The following STUM variants were observed in gnomAD, a reference collection of about 807,000 sequenced individuals.
The protein encoded by STUM is stum, mechanosensory transduction mediator homolog.
Under a neutral mutation model 15.3 loss-of-function variants are expected in STUM, and 8 were observed. The observed-to-expected ratio is 0.52, with a 90% CI of 0.31 to 0.94. The LOEUF (loss-of-function observed/expected upper bound fraction) is 0.94. Among genes scored for constraint, STUM ranks in the 40% least tolerant of loss-of-function variants. STUM has a pLI of 0.05. For synonymous variants in STUM, 78 were observed against 88.7 expected, an observed-to-expected ratio of 0.88 and a Z score of 0.68; for missense variants, 142 against 204.9, an observed-to-expected ratio of 0.69 and a Z score of 1.87.
chr1:226,555,981 C>T (rs1291519247), intron 1 of STUM, among the ~76,000 whole-genome samples: 1 of 152,150 alleles, frequency 6.6e-6, no homozygotes, highest in Non-Finnish European at 1.5e-5. Flanking sequence ...AACATATAAT[C>T]AATATGAACA....
Position 226,565,914 on chromosome 1 carries a change from AGCCC to A in STUM, c.202+16809_202+16812del, listed in dbSNP as rs1667617781. Among the ~76,000 whole-genome samples, 3 of 152,244 alleles carry A rather than the reference AGCCC, an allele frequency of 2.0e-5. No individual in the cohort carries two copies. The highest frequency in any genetic ancestry group is 7.2e-5 in the African/African-American group (3 of 41,464). On this transcript the variant is annotated intron_variant, in intron 1 of 3. Transcript: ENST00000366788. The surrounding 1 kb of genome is among the most constrained non-coding windows in gnomAD (Gnocchi z 4.4). ...ATTTTGGAAGGTGCAACAGCTGCCC[AGCCC>A]ATTGCTTGTGCCTGGGCTTACCAGC... is the stretch of plus-strand genomic sequence containing the variant.
At chr1:226,556,130 T>G (rs1186913739) in intron 1 of STUM, among the ~76,000 whole-genome samples, 1 of 152,214 alleles carries the variant, frequency 6.6e-6, no homozygotes, top group Non-Finnish European at 1.5e-5. Context: ...GCATCCGAAT[T>G]CCTTCTGAGA....
At position 226,548,932 on chromosome 1, in the gene STUM, A is replaced by ACGGCGGCGG. The variant is rs759835997; in HGVS notation, c.41_49dup (p.Ala14_Ala16dup). On this transcript the variant is annotated inframe_insertion, in exon 1 of 4. Coordinates refer to ENST00000366788, the MANE Select transcript of STUM (RefSeq NM_001003665.4). Reference sequence around the variant, plus strand: ...GGAGCCCTCGCACAAAGACGCCGAGACGGCGGCGGCGGCGGCGGCGGTGGC... The same window carrying ACGGCGGCGG: ...GGAGCCCTCGCACAAAGACGCCGAGACGGCGGCGGCGGCGGCGGCGGCGGCGGCGGTGGC... 4 of 1,443,358 alleles carry ACGGCGGCGG rather than the reference A, an allele frequency of 2.8e-6. No individual in the cohort carries two copies. The highest frequency in any genetic ancestry group is 1.5e-5 in the African/African-American group (1 of 66,592). 89.4% of individuals were successfully genotyped at this position (1,443,358 alleles called of 1,614,324 possible).
At chr1:226,580,870 C>A (rs1667907581) in intron 1 of STUM, among the ~76,000 whole-genome samples, 1 of 152,284 alleles carries the variant, frequency 6.6e-6, no homozygotes, top group South Asian at 2.1e-4. Context: ...ACAAAGAGAC[C>A]AGAAACACAG....
rs573131767 is a variant in STUM at position 226,557,512 on chromosome 1, G to A, written c.202+8406G>A. ...GTAAATACCCAGAAGTAGGATTGTG[G>A]GTCATATGGTCATTCTATTTTTAGC... On this transcript the variant is annotated intron_variant, in intron 1 of 3. Coordinates refer to ENST00000366788, the MANE Select transcript of STUM (RefSeq NM_001003665.4). Among the ~76,000 whole-genome samples, 2 of 152,236 alleles carry A rather than the reference G, an allele frequency of 1.3e-5. 1 individual carries two copies. Among genetic ancestry groups the A allele is most frequent in the South Asian group, 4.1e-4 (2 of 4,820 alleles).
chr1:226,605,119 C>G lies in STUM; in HGVS notation c.*3079C>G, dbSNP rs1298544557. 1 of 152,236 alleles carries G rather than the reference C, an allele frequency of 6.6e-6. No homozygotes were observed. Among genetic ancestry groups the G allele is most frequent in the Admixed American group, 6.5e-5 (1 of 15,288 alleles). 9.4% of individuals were successfully genotyped at this position (152,236 alleles called of 1,614,324 possible). A position where few individuals can be genotyped will look rare whatever the true frequency, so the allele number is the denominator to read the frequency against. On this transcript the variant is annotated 3_prime_UTR_variant, in exon 4 of 4. Coordinates refer to ENST00000366788, the MANE Select transcript of STUM (RefSeq NM_001003665.4). The surrounding 1 kb of genome is among the most constrained non-coding windows in gnomAD (Gnocchi z 4.0). ...CGGCAGGAGTCTGATGGCTCTGCTG[C>G]CAGAGCCTACCCCAGCCTGCCACGC...
intron 3 of STUM, among the ~76,000 whole-genome samples, chr1:226,601,247 C>T (rs1394797132): frequency 2.0e-5 from 3 of 152,194 alleles, no homozygotes; most frequent in African/African-American, 7.2e-5. Context: ...CTGCCTCAGC[C>T]TCCCGAGTAG....
chr1:226,597,789 T>C (rs1044745886), intron 2 of STUM, among the ~76,000 whole-genome samples: 2 of 152,316 alleles, frequency 1.3e-5, no homozygotes, highest in African/African-American at 4.8e-5. Flanking sequence ...CGTGGTCAGA[T>C]GGGCTGCCCG....
intron 1 of STUM, among the ~76,000 whole-genome samples, chr1:226,583,126 T>A (rs769159040): frequency 1.2e-4 from 19 of 152,172 alleles, no homozygotes; most frequent in Non-Finnish European, 2.2e-4. Context: ...AGCTCAGGAG[T>A]GGCACAGTGC....
chr1:226,582,734 G>A lies in STUM; in HGVS notation c.203-14068G>A, dbSNP rs1296585415. Among the ~76,000 whole-genome samples, 3 of 152,202 alleles carry A rather than the reference G, an allele frequency of 2.0e-5. No individual in the cohort carries two copies. The East Asian group carries it at 5.8e-4, about 29-fold the overall frequency. ...CCTGAAAAGGTTTTCCACAGTCCCA[G>A]GGTAGGCTGTCTCCTGAAGCCCCAG... On this transcript the variant is annotated intron_variant, in intron 1 of 3. Coordinates refer to ENST00000366788, the MANE Select transcript of STUM (RefSeq NM_001003665.4).
chr1:226,568,077 G>T (rs1189264830), intron 1 of STUM, among the ~76,000 whole-genome samples: 1 of 152,136 alleles, frequency 6.6e-6, no homozygotes, highest in Non-Finnish European at 1.5e-5. Context: ...ACATCCAGAA[G>T]TTTGCACAAA....
At chr1:226,598,876 A>G (rs906035950) in intron 2 of STUM, among the ~76,000 whole-genome samples, 1 of 152,156 alleles carries the variant, frequency 6.6e-6, no homozygotes, top group Non-Finnish European at 1.5e-5. Flanking sequence ...TCATTTTCAC[A>G]CTGCTGATAA....
chr1:226,564,269 A>C (rs1005499841), intron 1 of STUM, among the ~76,000 whole-genome samples: 11 of 152,148 alleles, frequency 7.2e-5, no homozygotes, highest in Non-Finnish European at 1.5e-4. Flanking sequence ...AGGACTTAGG[A>C]GCTAGGTTAC....
Position 226,567,696 on chromosome 1 carries a change from A to C in STUM, c.202+18590A>C, listed in dbSNP as rs77771956. ...CACATTGGAGAAGAAATGACAAATA[A>C]AAGCATTTAAAAGTGGAAGCGTGCC... On this transcript the variant is annotated intron_variant, in intron 1 of 3. Coordinates refer to ENST00000366788, the MANE Select transcript of STUM (RefSeq NM_001003665.4). This position sits in a 1 kb window ranked among gnomAD's most constrained non-coding sequence, Gnocchi z 4.5. Among the ~76,000 whole-genome samples, 8,665 of 152,234 alleles carry C rather than the reference A, an allele frequency of 0.057. 593 individuals are homozygous for C. The highest frequency in any genetic ancestry group is 0.16 in the African/African-American group (6,730 of 41,492).
At chr1:226,591,516 T>C (rs773706412) in intron 1 of STUM, among the ~76,000 whole-genome samples, 7 of 152,138 alleles carry the variant, frequency 4.6e-5, no homozygotes, top group Non-Finnish European at 7.4e-5. Flanking sequence ...CTAAGGATCA[T>C]TCAGTTTGCA....
intron 1 of STUM, among the ~76,000 whole-genome samples, chr1:226,568,348 TGGGTTGTTCA>T (rs1667655010): frequency 6.6e-6 from 1 of 151,674 alleles, no homozygotes; most frequent in African/African-American, 2.4e-5. Context: ...CTAGGCGGGG[TGGGTTGTTCA>T]GGGCCTATCA....
intron 1 of STUM, among the ~76,000 whole-genome samples, chr1:226,564,599 A>C (rs539735107): frequency 2.0e-5 from 3 of 152,282 alleles, no homozygotes; most frequent in African/African-American, 7.2e-5. Context: ...CTGCCACTCT[A>C]ATTTTGAGTT....
intron 1 of STUM, among the ~76,000 whole-genome samples, chr1:226,550,555 A>G (rs1667358911): frequency 6.6e-6 from 1 of 151,186 alleles, no homozygotes; most frequent in African/African-American, 2.4e-5. Context: ...CCTCTGGCGG[A>G]TATGAAGATC....
At chr1:226,555,193 A>G (rs1030839257) in intron 1 of STUM, among the ~76,000 whole-genome samples, 1 of 152,028 alleles carries the variant, frequency 6.6e-6, no homozygotes, top group African/African-American at 2.4e-5. Flanking sequence ...CTTGACCCTG[A>G]TCTTCTCTTT....
Sources: gnomAD v4.1 joint callset for allele counts (sites outside exome capture counted in the v4.1 genomes callset) on GRCh38, gnomAD v4.1.1 for gene constraint, Gnocchi (gnomAD v3.1) non-coding constraint, MANE v1.5 for transcripts, NCBI Gene and HGNC (gene_info 2026-07-23, HGNC 2026-07-21) for gene names.